EIF2B5: variants seen among roughly 807,000 people sequenced by gnomAD.
EIF2B5 encodes eukaryotic translation initiation factor 2B subunit epsilon, also known as translation initiation factor eIF2B subunit epsilon.
EIF2B5 carries 38 observed loss-of-function variants against 87.3 expected under a neutral mutation model. The ratio of observed to expected loss-of-function variants is 0.44; its 90% CI spans 0.34 to 0.57. EIF2B5 has a LOEUF of 0.57. Ranked by LOEUF, EIF2B5 falls within the 20% of genes least tolerant of loss-of-function variation. The probability of loss-of-function intolerance (pLI) is 0.02; values close to 1 mark genes in which losing one functional copy is unlikely to be tolerated. For synonymous variants in EIF2B5, 313 were observed against 339.6 expected, an observed-to-expected ratio of 0.92 and a Z score of 0.86; for missense variants, 784 against 909.5, an observed-to-expected ratio of 0.86 and a Z score of 1.78.
chr3:184,143,239 G>A (rs1477825659), intron 12 of EIF2B5, 97 bp downstream of exon 12: 63 of 1,491,976 alleles, frequency 4.2e-5, no homozygotes, highest in Non-Finnish European at 5.5e-5. Context: ...CTATTCCTTC[G>A]ACATCCCAAA....
rs114094996 is a variant in EIF2B5, at chr3:184,140,805, A to G, written c.1156+75A>G. On this transcript the variant is annotated intron_variant, in intron 7 of 15. Transcript: ENST00000648915. ...GGGGGGCCACGTCTCCAGAAACACA[A>G]GGGATGGCTACACAAGGGACAGTCC... is the stretch of plus-strand genomic sequence containing the variant. 368 of 1,524,940 alleles carry G rather than the reference A, an allele frequency of 2.4e-4. No homozygotes were observed. In the African/African-American group the frequency reaches 4.4e-3, roughly 18 times the overall value. 94.5% of individuals were successfully genotyped at this position (1,524,940 alleles called of 1,614,324 possible).
intron 5 of EIF2B5, chr3:184,138,699 G>A (rs751001584): frequency 5.5e-5 from 12 of 218,398 alleles, no homozygotes; most frequent in East Asian, 4.2e-4. Context: ...ACAGGGTCTC[G>A]CTCTGTGGCC....
intron 7 of EIF2B5, among the ~76,000 whole-genome samples, chr3:184,141,473 G>T (rs900059562): frequency 6.6e-6 from 1 of 152,160 alleles, no homozygotes; most frequent in East Asian, 1.9e-4. Context: ...GGAGGCTGAG[G>T]CAGGAGGATT....
chr3:184,140,872 G>A (rs1713604971), intron 7 of EIF2B5, 142 bp downstream of exon 7: 1 of 938,854 alleles, frequency 1.1e-6, no homozygotes, highest in Admixed American at 2.2e-5. Context: ...CAGGAAAGGA[G>A]GAAACAGGGA....
At position 184,144,135 on chromosome 3, in the gene EIF2B5, A is replaced by C. The variant is rs896253921; in HGVS notation, c.1906A>C (p.Ile636Leu). 5.6e-6 allele frequency: 9 copies of C among 1,614,136 alleles called. No individual in the cohort carries two copies. Among genetic ancestry groups the C allele is most frequent in the South Asian group, 4.4e-5 (4 of 91,086 alleles). ...CTGGAGCCCTGTTTTTAGGAACTAC[A>C]TAAAGCGCGCAGCCGACCATTTGGA... ...KAWSPVFRNY[I>L]KRAADHLEAL... The change falls in exon 14 of 16, where the codon ATA (isoleucine) becomes CTA (leucine). Residue 636 changes from isoleucine to leucine, a missense_variant. By Grantham distance (5) the Ile-to-Leu change is conservative. Coordinates refer to ENST00000648915, the MANE Select transcript of EIF2B5 (RefSeq NM_003907.3).
At position 184,144,913 on chromosome 3, in the gene EIF2B5, G is replaced by C. The variant is rs1713801289; in HGVS notation, c.2136G>C (p.Glu712Asp). 6.2e-7 allele frequency: 1 copy of C among 1,613,770 alleles called. No homozygotes were observed. Among genetic ancestry groups the C allele is most frequent in the East Asian group, 2.2e-5 (1 of 44,884 alleles). Residue 712 changes from glutamate to aspartate, a missense_variant, in exon 16 of 16, where the codon GAG (glutamate) becomes GAC (aspartate). Around this residue, in one of 3 missense-constraint regions of EIF2B5, gnomAD observed 660 missense variants for 789.5 expected, o/e 0.84. Transcript: ENST00000648915. Reference sequence around the variant, plus strand: ...AGAGGTTCATCCAGTGGCTAAAAGAGGCAGAAGAGGAGTCATCTGAAGATG... The same window carrying C: ...AGAGGTTCATCCAGTGGCTAAAAGACGCAGAAGAGGAGTCATCTGAAGATG... ...QLQRFIQWLK[E>D]AEEESSEDD
Position 184,142,934 on chromosome 3 carries a change from G to A in EIF2B5, c.1654+48G>A, listed in dbSNP as rs770544046. ...GCTGGACCAGTTTATTCTCTGCCTG[G>A]ATCAACTAGCCAGAGGCTTACGTTC... is the stretch of plus-strand genomic sequence containing the variant. On this transcript the variant is annotated intron_variant, in intron 11 of 15. Transcript: ENST00000648915. The surrounding 1 kb of genome is among the most constrained non-coding windows in gnomAD (Gnocchi z 5.0). 6.3e-7 allele frequency: 1 copy of A among 1,583,012 alleles called. No individual in the cohort carries two copies. Among genetic ancestry groups the A allele is most frequent in the Non-Finnish European group, 8.6e-7 (1 of 1,158,250 alleles).
intron 7 of EIF2B5, among the ~76,000 whole-genome samples, chr3:184,141,402 C>A (rs1713628623): frequency 6.6e-6 from 1 of 152,118 alleles, no homozygotes; most frequent in African/African-American, 2.4e-5. Flanking sequence ...CACCCCTTCT[C>A]CACAAATGAT....
At chr3:184,136,837 T>A in intron 2 of EIF2B5, 101 bp downstream of exon 2, 2 of 1,515,854 alleles carry the variant, frequency 1.3e-6, no homozygotes, top group Non-Finnish European at 1.8e-6. Context: ...AAAATGTGTC[T>A]ACTTAGATGT....
At chr3:184,138,907 C>A in intron 5 of EIF2B5, 1 of 293,574 alleles carries the variant, frequency 3.4e-6, no homozygotes, top group Non-Finnish European at 6.8e-6. Context: ...AGCAATCTGA[C>A]CACCTCAGCC....
Position 184,138,016 on chromosome 3 carries a change from A to G in EIF2B5, c.625A>G (p.Thr209Ala). 1.2e-6 allele frequency: 2 copies of G among 1,614,212 alleles called. No homozygotes were observed. The highest frequency in any genetic ancestry group is 1.7e-6 in the Non-Finnish European group (2 of 1,180,036). ...TGTGGTAGTGGCTGTGGATAGTACCACAAACAGGGTTCTCCATTTTCAGAA... is the reference window on the plus strand; with the variant it reads ...TGTGGTAGTGGCTGTGGATAGTACCGCAAACAGGGTTCTCCATTTTCAGAA... ...DNVVVAVDST[T>A]NRVLHFQKTQ... The change falls in exon 4 of 16, where the codon ACA becomes GCA. Residue 209 changes from threonine (T) to alanine (A), a missense_variant. Around this residue, in one of 3 missense-constraint regions of EIF2B5, gnomAD observed 660 missense variants for 789.5 expected, o/e 0.84. Transcript: ENST00000648915.
At chr3:184,139,270 A>ATTTTTTT (rs1196978595) in intron 5 of EIF2B5, among the ~76,000 whole-genome samples, 2 of 48,012 alleles carry the variant, frequency 4.2e-5, no homozygotes, top group Non-Finnish European at 3.4e-5. Flanking sequence ...TGCACCCAGC[A>ATTTTTTT]TTTTTTTTTT....
intron 3 of EIF2B5, 46 bp downstream of exon 3, chr3:184,137,851 G>A (rs2109007065): frequency 6.2e-7 from 1 of 1,614,156 alleles, no homozygotes; most frequent in Non-Finnish European, 8.5e-7. Flanking sequence ...GACCAGCAGA[G>A]CCCTGAGACT....
rs140884581 is a variant in EIF2B5, at chr3:184,144,144, G to A, written c.1915G>A (p.Ala639Thr). 9.9e-5 allele frequency: 160 copies of A among 1,614,094 alleles called. 1 individual carries two copies. The highest frequency in any genetic ancestry group is 1.2e-4 in the Non-Finnish European group (142 of 1,180,054). The stretch of plus-strand genomic sequence containing the variant: ...TGTTTTTAGGAACTACATAAAGCGC[G>A]CAGCCGACCATTTGGAAGCGTTAGC... ...SPVFRNYIKR[A>T]ADHLEALAAI... Residue 639 changes from alanine (A) to threonine (T), a missense_variant, in exon 14 of 16, where the codon GCA (alanine) becomes ACA (threonine). Transcript: ENST00000648915.
rs746932876 is a variant in EIF2B5, at chr3:184,140,209, G to A, written c.843+52G>A. The A allele has an allele frequency of 7.1e-6, 11 of 1,555,802 alleles. 1 individual carries two copies. The highest frequency in any genetic ancestry group is 1.7e-5 in the Admixed American group (1 of 59,516). On this transcript the variant is annotated intron_variant, in intron 6 of 15. Transcript: ENST00000648915. ...TAGGAGAGAGGAGAAGGCTATGATT[G>A]TATCTCATGCTGGTAACTTTTGATC...
Position 184,137,730 on chromosome 3 carries a change from T to C in EIF2B5, c.431T>C (p.Val144Ala). Residue 144 changes from valine (V) to alanine (A), a missense_variant, in exon 3 of 16, where the codon GTG becomes GCG. By Grantham distance (64) the Val-to-Ala change is moderately conservative. Transcript: ENST00000648915. ...CGTGATGTTGATGCCAAGGCTTTGG[T>C]GCGCTCTGACTTTCTTCTGGTGTAT... ...VLRDVDAKAL[V>A]RSDFLLVYGD... 6.2e-7 allele frequency: 1 copy of C among 1,614,176 alleles called. No homozygotes were observed.
intron 5 of EIF2B5, among the ~76,000 whole-genome samples, chr3:184,139,857 A>C (rs1713540459): frequency 6.6e-6 from 1 of 151,342 alleles, no homozygotes; most frequent in African/African-American, 2.4e-5. Flanking sequence ...CTCTACTAAA[A>C]AATAAAAATA....
In EIF2B5 at chr3:184,142,186, G is replaced by C; in HGVS notation, c.1303-51G>C. On this transcript the variant is annotated intron_variant, in intron 8 of 15. Coordinates refer to ENST00000648915, the MANE Select transcript of EIF2B5 (RefSeq NM_003907.3). The surrounding 1 kb of genome is among the most constrained non-coding windows in gnomAD (Gnocchi z 5.0). ...CTAAAAAAGTTGCTCTCATTATCAG[G>C]ATGCACTTTTCCTCCACACCCTAAT... 1 of 1,614,014 alleles carries C rather than the reference G, an allele frequency of 6.2e-7. No individual in the cohort carries two copies. Among genetic ancestry groups the C allele is most frequent in the Non-Finnish European group, 8.5e-7 (1 of 1,180,008 alleles).
rs1264490102 is a variant in EIF2B5 at position 184,142,123 on chromosome 3, T to C, written c.1302+53T>C. 1 of 1,613,970 alleles carries C rather than the reference T, an allele frequency of 6.2e-7. No individual in the cohort carries two copies. Among genetic ancestry groups the C allele is most frequent in the Non-Finnish European group, 8.5e-7 (1 of 1,180,012 alleles). ...GCCCTGAATTGCATGGCAGTCACAC[T>C]GAGCCAGAAGGGGCATTATTTCCAC... On this transcript the variant is annotated intron_variant, in intron 8 of 15. Coordinates refer to ENST00000648915, the MANE Select transcript of EIF2B5 (RefSeq NM_003907.3). This position sits in a 1 kb window ranked among gnomAD's most constrained non-coding sequence, Gnocchi z 5.0.
Sources: allele counts gnomAD v4.1 joint callset (sites outside exome capture counted in the v4.1 genomes callset), GRCh38; gene constraint gnomAD v4.1.1; regional missense constraint gnomAD v4.1.1; non-coding constraint Gnocchi (gnomAD v3.1); transcripts MANE v1.5; gene names NCBI Gene and HGNC (gene_info 2026-07-23, HGNC 2026-07-21).